NDEL1: variants seen among roughly 807,000 people sequenced by gnomAD.
NDEL1 encodes the protein nuclear distribution protein nudE-like 1.
NDEL1 carries 9 observed loss-of-function variants against 45.7 expected under a neutral mutation model. The ratio of observed to expected loss-of-function variants is 0.20; its 90% CI spans 0.12 to 0.34. NDEL1 has a LOEUF of 0.34. NDEL1 is among the 10% of genes least tolerant of loss of function. The probability of loss-of-function intolerance (pLI) is 1.00; values close to 1 mark genes in which losing one functional copy is unlikely to be tolerated. For missense variants in NDEL1, 306 were observed against 406.2 expected, an observed-to-expected ratio of 0.75 and a Z score of 2.12; for synonymous variants, 133 against 158.6, an observed-to-expected ratio of 0.84 and a Z score of 1.21.
At chr17:8,451,755 C>G (rs544106898) in intron 6 of NDEL1, among the ~76,000 whole-genome samples, 4 of 152,112 alleles carry the variant, frequency 2.6e-5, no homozygotes, top group Non-Finnish European at 4.4e-5. Flanking sequence ...GTTCATATTT[C>G]TGCTACTCTC....
At chr17:8,452,740 C>CTTTTTTTTTTTTTTTTTTTTTTT in intron 6 of NDEL1, among the ~76,000 whole-genome samples, 30 of 95,584 alleles carry the variant, frequency 3.1e-4, no homozygotes, top group Middle Eastern at 6.5e-3. Context: ...TTTTTCTTCT[C>CTTTTTTTTTTTTTTTTTTTTTTT]TTTTTTTTTT....
intron 1 of NDEL1, among the ~76,000 whole-genome samples, chr17:8,422,429 C>T (rs1252979511): frequency 1.3e-5 from 2 of 151,716 alleles, no homozygotes; most frequent in Admixed American, 6.6e-5. Flanking sequence ...CTGCCTCAGC[C>T]TCCCAAGCAG....
chr17:8,430,537 C>T (rs937402855), intron 1 of NDEL1, among the ~76,000 whole-genome samples: 36 of 152,296 alleles, frequency 2.4e-4, no homozygotes, highest in African/African-American at 7.9e-4. Context: ...CTCCACCCTT[C>T]CCAGTGGTGG....
intron 7 of NDEL1, among the ~76,000 whole-genome samples, chr17:8,455,213 C>T (rs542364925): frequency 2.6e-5 from 4 of 152,304 alleles, no homozygotes; most frequent in African/African-American, 9.6e-5. Context: ...TCATCCTGGT[C>T]TTTGCTGCTG....
upstream of NDEL1, among the ~76,000 whole-genome samples, chr17:8,434,392 C>G (rs777901083): frequency 6.6e-6 from 1 of 151,872 alleles, no homozygotes; most frequent in East Asian, 1.9e-4. Context: ...AATTTTTGTA[C>G]TTTTAGTAGA....
At chr17:8,428,760 G>A (rs185688524) in intron 1 of NDEL1, among the ~76,000 whole-genome samples, 1,905 of 151,436 alleles carry the variant, frequency 0.013, 28 homozygotes, top group Non-Finnish European at 0.015. Context: ...TGCAAGCTCC[G>A]CCTCCCAGGT....
intron 1 of NDEL1, among the ~76,000 whole-genome samples, chr17:8,442,787 T>C (rs888730221): frequency 2.7e-5 from 4 of 147,454 alleles, no homozygotes; most frequent in African/African-American, 9.9e-5. Context: ...CTTTTTTTTT[T>C]TTTTTTTTTT....
chr17:8,437,201 A>G (rs1268021754), intron 1 of NDEL1, among the ~76,000 whole-genome samples: 1 of 152,204 alleles, frequency 6.6e-6, no homozygotes, highest in East Asian at 1.9e-4. Context: ...GTAAAGGGAA[A>G]CCAAGTGAAG....
intron 5 of NDEL1, among the ~76,000 whole-genome samples, chr17:8,449,447 G>T (rs1022411057): frequency 7.9e-5 from 12 of 152,274 alleles, no homozygotes; most frequent in African/African-American, 2.9e-4. Context: ...ATTTTAAAGT[G>T]TACAGTCCAG....
chr17:8,448,302 C>T (rs887826042), intron 4 of NDEL1, among the ~76,000 whole-genome samples: 3 of 152,104 alleles, frequency 2.0e-5, no homozygotes, highest in Non-Finnish European at 2.9e-5. Flanking sequence ...AATAGTGTAA[C>T]AAATAGCCTT....
intron 1 of NDEL1, among the ~76,000 whole-genome samples, chr17:8,427,949 C>T (rs1028493802): frequency 2.8e-4 from 42 of 152,254 alleles, no homozygotes; most frequent in African/African-American, 9.9e-4. Flanking sequence ...TTGGTTACAT[C>T]TTATATTGCA....
At chr17:8,440,861 G>T (rs949092640) in intron 1 of NDEL1, among the ~76,000 whole-genome samples, 1 of 152,076 alleles carries the variant, frequency 6.6e-6, no homozygotes, top group South Asian at 2.1e-4. Context: ...ATATAAATGG[G>T]TCAAAACCAA....
chr17:8,451,630 T>C (rs894624815), intron 6 of NDEL1, among the ~76,000 whole-genome samples: 1 of 152,156 alleles, frequency 6.6e-6, no homozygotes, highest in Non-Finnish European at 1.5e-5. Context: ...CATGAACCAG[T>C]GTGTTTTTTT....
At chr17:8,419,204 A>G (rs968628460) in intron 1 of NDEL1, among the ~76,000 whole-genome samples, 2 of 152,100 alleles carry the variant, frequency 1.3e-5, no homozygotes, top group African/African-American at 4.8e-5. Context: ...GAAAATAGTG[A>G]TTCTTAATGA....
chr17:8,442,389 G>GA (rs917627251), intron 1 of NDEL1, among the ~76,000 whole-genome samples: 2 of 151,748 alleles, frequency 1.3e-5, no homozygotes. Context: ...AGGGAATATT[G>GA]AAAGGATGAT....
chr17:8,450,826 T>C lies in NDEL1; in HGVS notation c.573T>C (p.Thr191=). The C allele has an allele frequency of 6.2e-7, 1 of 1,612,438 alleles. No individual in the cohort carries two copies. The highest frequency in any genetic ancestry group is 8.5e-7 in the Non-Finnish European group (1 of 1,179,430). ...LAVRERQQEV[T]RKSAPSSPTL... Reference sequence around the variant, plus strand: ...TTCGGGAAAGACAACAGGAAGTAACTAGAAAGTCGGCTCCTAGCTCTCCAA... The same window carrying C: ...TTCGGGAAAGACAACAGGAAGTAACCAGAAAGTCGGCTCCTAGCTCTCCAA... The change falls in exon 6 of 9, where the codon ACT becomes ACC. Residue 191 remains threonine (T), a synonymous_variant. Transcript: ENST00000334527.
chr17:8,424,349 T>C (rs1908774667), intron 1 of NDEL1, among the ~76,000 whole-genome samples: 1 of 152,264 alleles, frequency 6.6e-6, no homozygotes, highest in South Asian at 2.1e-4. Context: ...CTTTAGTCCT[T>C]GTTGTTCCTA....
At chr17:8,415,582 C>T (rs961031649) in intron 1 of NDEL1, among the ~76,000 whole-genome samples, 2 of 151,798 alleles carry the variant, frequency 1.3e-5, no homozygotes, top group Admixed American at 6.6e-5. Flanking sequence ...ACTACAGGCA[C>T]GTGCTGCCAT....
chr17:8,427,560 G>T (rs1908868860), intron 1 of NDEL1, among the ~76,000 whole-genome samples: 1 of 152,060 alleles, frequency 6.6e-6, no homozygotes, highest in Admixed American at 6.6e-5. Context: ...CAATTAGCTG[G>T]GTGTGGTGGT....
Sources: gnomAD v4.1 joint callset for allele counts (sites outside exome capture counted in the v4.1 genomes callset) on GRCh38, gnomAD v4.1.1 for gene constraint, MANE v1.5 for transcripts, NCBI Gene and HGNC (gene_info 2026-07-23, HGNC 2026-07-21) for gene names.